FHIT: variants seen among roughly 807,000 people sequenced by gnomAD.
FHIT encodes the protein bis(5'-adenosyl)-triphosphatase.
In FHIT, 19 loss-of-function variants were observed where a neutral mutation model predicts 17.9. The ratio of observed to expected loss-of-function variants is 1.06; its 90% CI spans 0.74 to 1.56. The LOEUF is 1.56. FHIT is among the 40% of genes most tolerant of loss of function. The pLI is 0.00. For synonymous variants in FHIT, 81 were observed against 69.7 expected, an observed-to-expected ratio of 1.16 and a Z score of -0.81; for missense variants, 248 against 189.2, an observed-to-expected ratio of 1.31 and a Z score of -1.82.
At chr3:60,516,908 T>C (rs1447981) in intron 5 of FHIT, among the ~76,000 whole-genome samples, 57,594 of 151,994 alleles carry the variant, frequency 0.38, 11,066 homozygotes, top group Admixed American at 0.45. Context: ...GAGAAATCAA[T>C]TGAGATACAA....
At chr3:59,782,743 CAG>C (rs1361082202) in intron 8 of FHIT, among the ~76,000 whole-genome samples, 1 of 152,136 alleles carries the variant, frequency 6.6e-6, no homozygotes, top group Non-Finnish European at 1.5e-5. Flanking sequence ...GTCTCACAAA[CAG>C]ACTCCAAGCT....
chr3:60,149,038 T>C (rs1700353427), intron 5 of FHIT, among the ~76,000 whole-genome samples: 2 of 152,188 alleles, frequency 1.3e-5, no homozygotes, highest in Non-Finnish European at 2.9e-5. Context: ...ATCATAGTTG[T>C]TGACATGCCA....
chr3:60,262,202 A>C (rs1307589280), intron 5 of FHIT, among the ~76,000 whole-genome samples: 1 of 152,068 alleles, frequency 6.6e-6, no homozygotes, highest in Non-Finnish European at 1.5e-5. Context: ...ATCTATGAAG[A>C]TCCAAAGAAT....
rs140015418 is a variant in FHIT at position 60,069,441 on chromosome 3, G to A, written c.104-55289C>T. Among the ~76,000 whole-genome samples the A allele has an allele frequency of 9.9e-3, 1,501 of 152,240 alleles. 29 individuals are homozygous for A. Among genetic ancestry groups the A allele is most frequent in the African/African-American group, 0.033 (1,357 of 41,540 alleles). ...GTAACCTATGTCAATTACACATTCT[G>A]ACAACATATATTCATTGAGCACATA... On this transcript the variant is annotated intron_variant, in intron 5 of 9. Coordinates refer to ENST00000492590, the MANE Select transcript of FHIT (RefSeq NM_002012.4).
At chr3:60,452,348 C>G (rs1025030189) in intron 5 of FHIT, among the ~76,000 whole-genome samples, 1 of 152,078 alleles carries the variant, frequency 6.6e-6, no homozygotes, top group Admixed American at 6.6e-5. Context: ...TAAAGTGGCC[C>G]CATTTGACAG....
chr3:59,877,986 TA>T (rs1390222690), intron 8 of FHIT, among the ~76,000 whole-genome samples: 3 of 152,192 alleles, frequency 2.0e-5, no homozygotes, highest in African/African-American at 7.2e-5. Context: ...CTTAACTGCT[TA>T]CTTTCAACTC....
intron 3 of FHIT, among the ~76,000 whole-genome samples, chr3:60,946,651 A>G (rs1452355850): frequency 6.6e-6 from 1 of 152,166 alleles, no homozygotes; most frequent in African/African-American, 2.4e-5. Flanking sequence ...GCTGTAGAAG[A>G]GTTTTATGGC....
chr3:60,093,015 G>A (rs1292503860), intron 5 of FHIT, among the ~76,000 whole-genome samples: 5 of 152,222 alleles, frequency 3.3e-5, no homozygotes, highest in South Asian at 4.1e-4. Context: ...CATGAACTTC[G>A]ACAGGAAAAT....
chr3:59,914,797 T>C (rs1157717409), intron 8 of FHIT, among the ~76,000 whole-genome samples: 1 of 152,160 alleles, frequency 6.6e-6, no homozygotes, highest in Admixed American at 6.5e-5. Context: ...CTGATCATAA[T>C]TTATTTTTCC....
intron 5 of FHIT, among the ~76,000 whole-genome samples, chr3:60,023,952 T>G (rs1700644940): frequency 6.6e-6 from 1 of 151,690 alleles, no homozygotes; most frequent in South Asian, 2.1e-4. Context: ...AGACTCAACT[T>G]ACTTAAATGT....
At chr3:60,680,281 G>C (rs1179578686) in intron 4 of FHIT, among the ~76,000 whole-genome samples, 1 of 152,114 alleles carries the variant, frequency 6.6e-6, no homozygotes, top group Admixed American at 6.6e-5. Context: ...GCTGATTTTA[G>C]AAGGCATTTC....
intron 5 of FHIT, among the ~76,000 whole-genome samples, chr3:60,151,649 C>A (rs965429024): frequency 1.3e-5 from 2 of 152,154 alleles, no homozygotes; most frequent in African/African-American, 4.8e-5. Context: ...GCTTCAGCCC[C>A]ACTGTCTTTC....
intron 3 of FHIT, among the ~76,000 whole-genome samples, chr3:60,934,893 G>A (rs1403144505): frequency 2.6e-5 from 4 of 152,190 alleles, no homozygotes; most frequent in African/African-American, 9.6e-5. Context: ...AATGCCAGAT[G>A]AGTAAACATG....
Position 60,154,119 on chromosome 3 carries a change from C to T in FHIT, c.104-139967G>A, listed in dbSNP as rs538189102. On this transcript the variant is annotated intron_variant, in intron 5 of 9. Transcript: ENST00000492590. ...AGTTAGTAACAGAACTGCCATTAACCCACTTAGGCCTAGTGTTCCATTACT... is the reference window on the plus strand; with the variant it reads ...AGTTAGTAACAGAACTGCCATTAACTCACTTAGGCCTAGTGTTCCATTACT... Among the ~76,000 whole-genome samples the T allele has an allele frequency of 1.7e-4, 26 of 152,276 alleles. No individual in the cohort carries two copies. In the South Asian group the frequency reaches 3.7e-3, roughly 22 times the overall value.
At chr3:60,535,168 G>C (rs966105879) in intron 5 of FHIT, among the ~76,000 whole-genome samples, 10 of 152,156 alleles carry the variant, frequency 6.6e-5, no homozygotes, top group African/African-American at 9.7e-5. Context: ...AGATTGTACT[G>C]AGCCAAGATT....
chr3:61,244,732 C>T (rs1046832158), intron 1 of FHIT, among the ~76,000 whole-genome samples: 1 of 152,166 alleles, frequency 6.6e-6, no homozygotes, highest in Non-Finnish European at 1.5e-5. Flanking sequence ...AGAATCTGAA[C>T]AAACAGGTCT....
At chr3:61,241,653 C>G (rs954363172) in intron 1 of FHIT, among the ~76,000 whole-genome samples, 1 of 151,966 alleles carries the variant, frequency 6.6e-6, no homozygotes, top group Non-Finnish European at 1.5e-5. Context: ...TGAGAAACTG[C>G]AAAATATACT....
chr3:60,615,250 G>T (rs2038917405), intron 4 of FHIT, among the ~76,000 whole-genome samples: 2 of 152,244 alleles, frequency 1.3e-5, no homozygotes, highest in African/African-American at 4.8e-5. Flanking sequence ...CATAATGGTT[G>T]TTTACCAATC....
intron 2 of FHIT, among the ~76,000 whole-genome samples, chr3:61,104,872 T>C (rs549437241): frequency 4.9e-4 from 75 of 152,294 alleles, no homozygotes; most frequent in Admixed American, 3.1e-3. Flanking sequence ...TTAATACTTG[T>C]GATTGCATTA....
Sources: allele counts gnomAD v4.1 joint callset (sites outside exome capture counted in the v4.1 genomes callset), GRCh38; gene constraint gnomAD v4.1.1; transcripts MANE v1.5; gene names NCBI Gene and HGNC (gene_info 2026-07-23, HGNC 2026-07-21).